Variants in ADGRL2 observed in about 807,000 individuals in gnomAD.
ADGRL2 encodes adhesion G protein-coupled receptor L2, also known as calcium-independent alpha-latrotoxin receptor 2.
Under a neutral mutation model 157.4 loss-of-function variants are expected in ADGRL2, and 44 were observed. The ratio of observed to expected loss-of-function variants is 0.28; its 90% confidence interval spans 0.22 to 0.36. The LOEUF is 0.36. Among genes scored for constraint, ADGRL2 ranks in the 10% least tolerant of loss-of-function variants. The probability of loss-of-function intolerance (pLI) is 1.00; values close to 1 mark genes in which losing one functional copy is unlikely to be tolerated. For synonymous variants in ADGRL2, 585 were observed against 624.7 expected, an observed-to-expected ratio of 0.94 and a Z score of 0.95; for missense variants, 1,510 against 1,768.9, an observed-to-expected ratio of 0.85 and a Z score of 2.63.
chr1:81,530,807 GGGCCTGGT>G (rs2079579146), intron 2 of ADGRL2, among the ~76,000 whole-genome samples: 1 of 152,132 alleles, frequency 6.6e-6, no homozygotes, highest in African/African-American at 2.4e-5. Context: ...TACCTGGGCT[GGGCCTGGT>G]GGCTCATGCC....
upstream of ADGRL2, among the ~76,000 whole-genome samples, chr1:81,798,349 TG>T (rs2087697552): frequency 6.6e-6 from 1 of 152,130 alleles, no homozygotes; most frequent in African/African-American, 2.4e-5. Context: ...AATTCTTCTT[TG>T]TGGATATACA....
intron 1 of ADGRL2, among the ~76,000 whole-genome samples, chr1:81,370,476 A>G (rs1380318199): frequency 6.6e-6 from 1 of 152,106 alleles, no homozygotes; most frequent in African/African-American, 2.4e-5. Context: ...ATTTATTAAA[A>G]CCATATTGTA....
chr1:81,475,136 A>G (rs1317643992), intron 2 of ADGRL2, among the ~76,000 whole-genome samples: 2 of 152,178 alleles, frequency 1.3e-5, no homozygotes, highest in African/African-American at 4.8e-5. Context: ...AAAATCAACA[A>G]TAAGGATAAA....
intron 1 of ADGRL2, among the ~76,000 whole-genome samples, chr1:81,430,345 T>C (rs777107042): frequency 2.2e-4 from 33 of 152,334 alleles, no homozygotes; most frequent in Non-Finnish European, 3.7e-4. Flanking sequence ...ATGGGGTCTG[T>C]AAAGAGGGGA....
chr1:81,412,486 C>A (rs762575837), intron 1 of ADGRL2, among the ~76,000 whole-genome samples: 5 of 152,154 alleles, frequency 3.3e-5, no homozygotes, highest in Admixed American at 6.5e-5. Context: ...AACTTAGAAG[C>A]CTTTCTATCT....
At chr1:81,427,937 T>C (rs1245601659) in intron 1 of ADGRL2, among the ~76,000 whole-genome samples, 1 of 152,182 alleles carries the variant, frequency 6.6e-6, no homozygotes, top group East Asian at 1.9e-4. Flanking sequence ...TATATTGCCC[T>C]GTAAATTGCG....
chr1:81,758,308 C>T (rs908396843), intron 1 of ADGRL2, among the ~76,000 whole-genome samples: 1 of 152,032 alleles, frequency 6.6e-6, no homozygotes, highest in African/African-American at 2.4e-5. Flanking sequence ...TGTTGTCTGG[C>T]GGCACCCCAG....
At chr1:81,346,990 G>A (rs1327603) in intron 1 of ADGRL2, among the ~76,000 whole-genome samples, 88,071 of 151,928 alleles carry the variant, frequency 0.58, 25,962 homozygotes, top group African/African-American at 0.66. Context: ...ATATACAGAC[G>A]TTAACACAAT....
intron 2 of ADGRL2, among the ~76,000 whole-genome samples, chr1:81,778,591 C>G (rs754650628): frequency 5.9e-5 from 9 of 152,006 alleles, no homozygotes; most frequent in Admixed American, 5.9e-4. Flanking sequence ...TAAGCTATTC[C>G]GCACCGCTCA....
At chr1:81,551,678 T>G (rs1397907616) in intron 2 of ADGRL2, among the ~76,000 whole-genome samples, 9 of 152,162 alleles carry the variant, frequency 5.9e-5, no homozygotes, top group African/African-American at 2.2e-4. Context: ...GGGTCTGAGT[T>G]GAAAAAAATA....
At chr1:81,526,747 G>C (rs969080235) in intron 2 of ADGRL2, among the ~76,000 whole-genome samples, 1 of 152,176 alleles carries the variant, frequency 6.6e-6, no homozygotes, top group Non-Finnish European at 1.5e-5. Context: ...ACCTGTGTCA[G>C]TAATGCCCAG....
intron 1 of ADGRL2, among the ~76,000 whole-genome samples, chr1:81,440,798 C>G (rs1263012239): frequency 6.6e-6 from 1 of 152,234 alleles, no homozygotes; most frequent in East Asian, 1.9e-4. Flanking sequence ...TTTTCCCTTA[C>G]TGCACGTCTC....
chr1:81,970,013 A>AACAG (rs904597134), intron 15 of ADGRL2, among the ~76,000 whole-genome samples: 27 of 151,830 alleles, frequency 1.8e-4, no homozygotes, highest in Non-Finnish European at 3.2e-4. Flanking sequence ...ATAATTCACA[A>AACAG]ATTATGAAGT....
intron 2 of ADGRL2, among the ~76,000 whole-genome samples, chr1:81,446,663 G>A (rs532076287): frequency 3.9e-5 from 6 of 152,182 alleles, no homozygotes; most frequent in Admixed American, 1.3e-4. Flanking sequence ...ACACAGTCCC[G>A]GAACACCTGG....
At chr1:81,881,796 G>A (rs1298597705) in intron 2 of ADGRL2, among the ~76,000 whole-genome samples, 1 of 152,084 alleles carries the variant, frequency 6.6e-6, no homozygotes, top group Non-Finnish European at 1.5e-5. Context: ...TTCCCCTGTA[G>A]ACCTCAGACT....
At chr1:81,481,096 A>C (rs74094017) in intron 2 of ADGRL2, among the ~76,000 whole-genome samples, 12,034 of 152,234 alleles carry the variant, frequency 0.079, 716 homozygotes, top group East Asian at 0.29. Flanking sequence ...ATTGTTGTTC[A>C]GTGTTTTTCC....
chr1:81,843,249 C>T (rs144367695), intron 2 of ADGRL2, among the ~76,000 whole-genome samples: 1,953 of 152,204 alleles, frequency 0.013, 49 homozygotes, highest in African/African-American at 0.045. Context: ...TCTCCTGCCT[C>T]AGCCTCCCAA....
At chr1:81,523,821 TG>T (rs1264773551) in intron 2 of ADGRL2, among the ~76,000 whole-genome samples, 2 of 152,164 alleles carry the variant, frequency 1.3e-5, no homozygotes, top group Admixed American at 1.3e-4. Context: ...CCCAGCACTT[TG>T]GGAGGCCGAA....
At chr1:81,482,672 A>T (rs2078414456) in intron 2 of ADGRL2, among the ~76,000 whole-genome samples, 1 of 152,132 alleles carries the variant, frequency 6.6e-6, no homozygotes, top group Non-Finnish European at 1.5e-5. Flanking sequence ...TTGCAGCATA[A>T]AAACATCTTT....
Sources: allele counts gnomAD v4.1 joint callset (sites outside exome capture counted in the v4.1 genomes callset), GRCh38; gene constraint gnomAD v4.1.1; transcripts MANE v1.5; gene names NCBI Gene and HGNC (gene_info 2026-07-23, HGNC 2026-07-21).